ROBO2: variants seen among roughly 807,000 people sequenced by gnomAD.
The protein encoded by ROBO2 is roundabout guidance receptor 2.
Under a neutral mutation model 160.8 loss-of-function variants are expected in ROBO2, and 53 were observed. That is an observed-to-expected ratio of 0.33 (90% CI 0.26 to 0.41). The LOEUF (loss-of-function observed/expected upper bound fraction) is 0.41, where lower values mean the gene tolerates loss of function less well. Among genes scored for constraint, ROBO2 ranks in the 10% least tolerant of loss-of-function variants. The pLI, the probability that ROBO2 is intolerant of heterozygous loss-of-function variation, is 1.00. For missense variants in ROBO2, 1,577 were observed against 1,722.4 expected, an observed-to-expected ratio of 0.92 and a Z score of 1.49; for synonymous variants, 664 against 611.7, an observed-to-expected ratio of 1.09 and a Z score of -1.26.
chr3:76,531,695 G>A (rs1206201592), intron 2 of ROBO2, among the ~76,000 whole-genome samples: 1 of 144,642 alleles, frequency 6.9e-6, no homozygotes, highest in African/African-American at 2.6e-5. Context: ...ATCCAATGAA[G>A]TTGTTGTATA....
intron 2 of ROBO2, among the ~76,000 whole-genome samples, chr3:77,112,574 C>T (rs1332493920): frequency 3.3e-5 from 5 of 151,982 alleles, no homozygotes; most frequent in African/African-American, 1.2e-4. Flanking sequence ...GACTATGTCC[C>T]AAGAAGGAAA....
intron 2 of ROBO2, among the ~76,000 whole-genome samples, chr3:76,424,802 C>T (rs1502556): frequency 0.66 from 100,776 of 151,964 alleles, 34,189 homozygotes; most frequent in African/African-American, 0.82. Context: ...TATCATTAAA[C>T]ATCCACAGCT....
chr3:77,584,219 A>G (rs2093986261), intron 16 of ROBO2, among the ~76,000 whole-genome samples: 1 of 152,008 alleles, frequency 6.6e-6, no homozygotes, highest in South Asian at 2.1e-4. Flanking sequence ...CCTCATATCA[A>G]TAAGATTGAG....
intron 2 of ROBO2, among the ~76,000 whole-genome samples, chr3:76,373,620 A>G (rs1327084483): frequency 6.6e-6 from 1 of 151,946 alleles, no homozygotes; most frequent in Admixed American, 6.6e-5. Context: ...TCACTTCTGT[A>G]TTTCCAGTTC....
intron 2 of ROBO2, among the ~76,000 whole-genome samples, chr3:77,213,743 G>A (rs1474168680): frequency 2.6e-5 from 4 of 151,902 alleles, no homozygotes; most frequent in Non-Finnish European, 5.9e-5. Context: ...TCTACACACT[G>A]CTTTGAATGT....
At chr3:77,626,460 A>T (rs964532034) in intron 23 of ROBO2, among the ~76,000 whole-genome samples, 2 of 152,204 alleles carry the variant, frequency 1.3e-5, no homozygotes, top group African/African-American at 2.4e-5. Flanking sequence ...ATATTTATTT[A>T]TTGCAGCTCA....
At chr3:76,574,471 A>G (rs1033172874) in intron 2 of ROBO2, among the ~76,000 whole-genome samples, 3 of 152,144 alleles carry the variant, frequency 2.0e-5, no homozygotes, top group East Asian at 1.9e-4. Flanking sequence ...TACCTAAAAC[A>G]GTATTCCCTT....
chr3:77,477,711 T>A, intron 3 of ROBO2, 140 bp downstream of exon 3: 1 of 932,492 alleles, frequency 1.1e-6, no homozygotes, highest in Non-Finnish European at 1.6e-6. Context: ...TGAAAAGATT[T>A]AAAAACATTT....
chr3:77,565,163 C>T (rs968089480), intron 12 of ROBO2, 43 bp downstream of exon 13: 11 of 1,605,134 alleles, frequency 6.9e-6, no homozygotes, highest in Middle Eastern at 3.3e-4. Flanking sequence ...TAGGCAGAAA[C>T]ATCAGATATT....
At chr3:77,191,058 G>A (rs1579815511) in intron 2 of ROBO2, among the ~76,000 whole-genome samples, 2 of 151,976 alleles carry the variant, frequency 1.3e-5, no homozygotes, top group African/African-American at 2.4e-5. Context: ...TAACAACCTT[G>A]CTTTTTGACT....
At chr3:77,636,194 ACTT>A (rs1187351080) in intron 24 of ROBO2, among the ~76,000 whole-genome samples, 1 of 152,060 alleles carries the variant, frequency 6.6e-6, no homozygotes, top group African/African-American at 2.4e-5. Flanking sequence ...GGGTCAGCAA[ACTT>A]CTTCTATTAA....
chr3:76,955,273 T>A (rs1163945145), intron 2 of ROBO2, among the ~76,000 whole-genome samples: 1 of 152,222 alleles, frequency 6.6e-6, no homozygotes, highest in Non-Finnish European at 1.5e-5. Flanking sequence ...CACTCATGGC[T>A]TGAGTTGCTT....
At chr3:77,364,727 G>A (rs1274230007) in intron 2 of ROBO2, among the ~76,000 whole-genome samples, 1 of 152,090 alleles carries the variant, frequency 6.6e-6, no homozygotes, top group East Asian at 1.9e-4. Flanking sequence ...TATTTAATTA[G>A]ATAATACTTT....
At chr3:76,420,920 G>C (rs2075969717) in intron 2 of ROBO2, among the ~76,000 whole-genome samples, 2 of 152,098 alleles carry the variant, frequency 1.3e-5, no homozygotes, top group South Asian at 4.2e-4. Flanking sequence ...ATGAGCAAAG[G>C]GTTTTCCACA....
chr3:76,176,807 C>T (rs537255105), intron 2 of ROBO2, among the ~76,000 whole-genome samples: 64 of 152,150 alleles, frequency 4.2e-4, no homozygotes, highest in African/African-American at 1.5e-3. Context: ...TATTAACAGT[C>T]TCTATTAATC....
chr3:77,598,445 ATATT>A (rs1469607325), intron 19 of ROBO2, among the ~76,000 whole-genome samples: 1 of 146,206 alleles, frequency 6.8e-6, no homozygotes. Flanking sequence ...ATATATATAT[ATATT>A]TATTTATATA....
intron 2 of ROBO2, among the ~76,000 whole-genome samples, chr3:77,243,687 T>C (rs909719045): frequency 2.0e-5 from 3 of 152,232 alleles, no homozygotes; most frequent in African/African-American, 7.2e-5. Context: ...CCCAGCACTG[T>C]CAATTTAGTG....
intron 2 of ROBO2, among the ~76,000 whole-genome samples, chr3:77,344,643 A>G (rs2067432751): frequency 6.6e-6 from 1 of 152,120 alleles, no homozygotes; most frequent in Admixed American, 6.6e-5. Flanking sequence ...GTTGTTTATA[A>G]TCTACCCAGT....
At chr3:77,050,855 GA>G (rs534874803) in intron 1 of ROBO2, among the ~76,000 whole-genome samples, 3,564 of 135,932 alleles carry the variant, frequency 0.026, 127 homozygotes, top group African/African-American at 0.079. Flanking sequence ...CAAAAAAAAA[GA>G]AAAAAAAAAA....
Sources: allele counts gnomAD v4.1 joint callset (sites outside exome capture counted in the v4.1 genomes callset), GRCh38; gene constraint gnomAD v4.1.1; transcripts MANE v1.5; gene names NCBI Gene and HGNC (gene_info 2026-07-23, HGNC 2026-07-21).